The following GPR183 variants were observed in gnomAD, a reference collection of about 807,000 sequenced individuals.
GPR183 encodes G protein-coupled receptor 183.
In GPR183, 9 loss-of-function variants were observed where a neutral mutation model predicts 19.7. The observed-to-expected ratio is 0.46, with a 90% confidence interval of 0.28 to 0.80. The LOEUF (loss-of-function observed/expected upper bound fraction) is 0.80, where lower values mean the gene tolerates loss of function less well. Among genes scored for constraint, GPR183 ranks in the 30% least tolerant of loss-of-function variants. The pLI, the probability that GPR183 is intolerant of heterozygous loss-of-function variation, is 0.13. For synonymous variants in GPR183, 160 were observed against 155.1 expected (o/e 1.03, Z -0.24); for missense variants, 368 against 446.7 (o/e 0.82, Z 1.59).
rs376348477 is a variant in GPR183, at chr13:99,295,575, T to C, written c.571A>G (p.Lys191Glu). Reference protein sequence around the residue: ...CMEYPNFEETKSLPWILLGAC... With the variant: ...CMEYPNFEETESLPWILLGAC... Reference sequence around the variant, plus strand: ...CCAAGCAGAATCCAGGGAAGAGATTTAGTTTCTTCAAAGTTTGGATACTCC... The same window carrying C: ...CCAAGCAGAATCCAGGGAAGAGATTCAGTTTCTTCAAAGTTTGGATACTCC... Residue 191 changes from lysine (K) to glutamate (E), a missense_variant, in exon 2 of 2, where the codon AAA (lysine) becomes GAA (glutamate). Coordinates refer to ENST00000376414, the MANE Select transcript of GPR183 (RefSeq NM_004951.5). This position sits in a 1 kb window ranked among gnomAD's most constrained non-coding sequence, Gnocchi z 4.1. The C allele has an allele frequency of 1.4e-5, 23 of 1,614,016 alleles. No individual in the cohort carries two copies. In the African/African-American group the frequency reaches 2.1e-4, roughly 15 times the overall value.
At position 99,295,485 on chromosome 13, in the gene GPR183, A is replaced by G. The variant is rs2044156351; in HGVS notation, c.661T>C (p.Cys221Arg). 1.2e-6 allele frequency: 2 copies of G among 1,613,896 alleles called. No homozygotes were observed. The highest frequency in any genetic ancestry group is 2.2e-5 in the South Asian group (2 of 91,076). Residue 221 changes from cysteine to arginine, a missense_variant, in exon 2 of 2, where the codon TGC becomes CGC. Physicochemically the swap from Cys to Arg is radical, Grantham distance 180. Transcript: ENST00000376414. This position sits in a 1 kb window ranked among gnomAD's most constrained non-coding sequence, Gnocchi z 4.1. Reference protein sequence around the residue: ...IILICYSQICCKLFRTAKQNP... With the variant: ...IILICYSQICRKLFRTAKQNP... Reference sequence around the variant, plus strand: ...TGTTTGGCAGTTCTGAAGAGTTTGCAGCAGATCTGAGAATAGCAGATGAGA... The same window carrying G: ...TGTTTGGCAGTTCTGAAGAGTTTGCGGCAGATCTGAGAATAGCAGATGAGA...
At chr13:99,307,166 A>G (rs972279581) in intron 1 of GPR183, among the ~76,000 whole-genome samples, 174 bp downstream of exon 1, 1 of 152,190 alleles carries the variant, frequency 6.6e-6, no homozygotes, top group African/African-American at 2.4e-5. Flanking sequence ...AACTAACTAG[A>G]CCTACCAGTC....
chr13:99,297,606 T>C (rs2044195788), intron 1 of GPR183, among the ~76,000 whole-genome samples: 1 of 152,010 alleles, frequency 6.6e-6, no homozygotes, highest in Non-Finnish European at 1.5e-5. Context: ...AGGTTAGTCA[T>C]TATAACCTAA....
Position 99,296,965 on chromosome 13 carries a change from G to A in GPR183, c.-18-802C>T, listed in dbSNP as rs147048609. 4.6e-5 allele frequency among the ~76,000 whole-genome samples: 7 copies of A among 152,162 alleles called. No individual in the cohort carries two copies. In the East Asian group the frequency reaches 1.3e-3, roughly 29 times the overall value. On this transcript the variant is annotated intron_variant, in intron 1 of 1. Transcript: ENST00000376414. ...TAGCAAGCATCACACTTTATATTTT[G>A]TTTCTTGCTTTATTCACCAAACATC... is the stretch of plus-strand genomic sequence containing the variant.
chr13:99,305,541 C>T (rs1391539134), intron 1 of GPR183, among the ~76,000 whole-genome samples: 3 of 152,130 alleles, frequency 2.0e-5, no homozygotes, highest in East Asian at 1.9e-4. Flanking sequence ...TAGAATGCTA[C>T]AGAACCAACC....
rs2044351413 is a variant in GPR183 at position 99,307,383 on chromosome 13, G to T, written c.-62C>A. The T allele has an allele frequency of 6.6e-6, 1 of 152,118 alleles. No homozygotes were observed. The highest frequency in any genetic ancestry group is 1.5e-5 in the Non-Finnish European group (1 of 68,022). 9.4% of individuals were successfully genotyped at this position (152,118 alleles called of 1,614,324 possible). Reference sequence around the variant, plus strand: ...GGTCTCTGTGTAGTAGCTGTGAGTAGTTGTCCAAACTGAAGTAAGTTTTAA... The same window carrying T: ...GGTCTCTGTGTAGTAGCTGTGAGTATTTGTCCAAACTGAAGTAAGTTTTAA... On this transcript the variant is annotated 5_prime_UTR_variant, in exon 1 of 2. Transcript: ENST00000376414.
intron 1 of GPR183, among the ~76,000 whole-genome samples, chr13:99,297,081 AT>A (rs1241054560): frequency 6.6e-6 from 1 of 152,184 alleles, no homozygotes; most frequent in Non-Finnish European, 1.5e-5. Context: ...TCAATGCATA[AT>A]TTGCTTAGCT....
Position 99,295,117 on chromosome 13 carries a change from T to G in GPR183, c.1029A>C (p.Ser343=), listed in dbSNP as rs1199400474. The change falls in exon 2 of 2, where the codon TCA becomes TCC. Residue 343 remains serine, a synonymous_variant. Coordinates refer to ENST00000376414, the MANE Select transcript of GPR183 (RefSeq NM_004951.5). This position sits in a 1 kb window ranked among gnomAD's most constrained non-coding sequence, Gnocchi z 4.1. ...TCATCTGCGTTTCTGTCATTTCACG[T>G]GAATTTTCTTCAGGGGCTGACTTCA... is the stretch of plus-strand genomic sequence containing the variant. ...SAVKSAPEEN[S]REMTETQMMI... is the part of the protein sequence containing the mutation. 6.2e-7 allele frequency: 1 copy of G among 1,614,114 alleles called. No individual in the cohort carries two copies. The highest frequency in any genetic ancestry group is 8.5e-7 in the Non-Finnish European group (1 of 1,179,982).
At chr13:99,303,132 GA>G (rs1357808285) in intron 1 of GPR183, among the ~76,000 whole-genome samples, 1 of 152,172 alleles carries the variant, frequency 6.6e-6, no homozygotes, top group Non-Finnish European at 1.5e-5. Flanking sequence ...TCCTGGGTCA[GA>G]CCAGCTCCCA....
In GPR183 at chr13:99,295,174, T is replaced by G; in HGVS notation, c.972A>C (p.Lys324Asn). 5.0e-6 allele frequency: 8 copies of G among 1,614,136 alleles called. No individual in the cohort carries two copies. The highest frequency in any genetic ancestry group is 6.8e-6 in the Non-Finnish European group (8 of 1,180,012). ...GYKRKVMRMLKRQVSVSISSA... is the reference protein window; with the variant it reads ...GYKRKVMRMLNRQVSVSISSA... ...TAGAAATCGATACACTGACTTGCCG[T>G]TTCAGCATCCTCATAACCTTTCTCT... The change falls in exon 2 of 2, where the codon AAA becomes AAC. Residue 324 changes from lysine to asparagine, a missense_variant. By Grantham distance (94) the Lys-to-Asn change is moderately conservative. Coordinates refer to ENST00000376414, the MANE Select transcript of GPR183 (RefSeq NM_004951.5). This position sits in a 1 kb window ranked among gnomAD's most constrained non-coding sequence, Gnocchi z 4.1.
At chr13:99,306,662 C>A (rs1413525079) in intron 1 of GPR183, among the ~76,000 whole-genome samples, 1 of 152,156 alleles carries the variant, frequency 6.6e-6, no homozygotes, top group Non-Finnish European at 1.5e-5. Context: ...GCATAGAATT[C>A]ATTGTGATTT....
In GPR183 at chr13:99,294,810, A is replaced by G. The variant is rs887675512; in HGVS notation, c.*250T>C. ...ACTTTTTACATTGGGAGTTATTAAG[A>G]GCGCCTCCTTTTGGTGTATTCGTTT... On this transcript the variant is annotated 3_prime_UTR_variant, in exon 2 of 2. Coordinates refer to ENST00000376414, the MANE Select transcript of GPR183 (RefSeq NM_004951.5). The G allele has an allele frequency of 3.0e-6, 1 of 331,622 alleles. No homozygotes were observed. Among genetic ancestry groups the G allele is most frequent in the Admixed American group, 4.4e-5 (1 of 22,496 alleles). 20.5% of individuals were successfully genotyped at this position (331,622 alleles called of 1,614,324 possible). A position where few individuals can be genotyped will look rare whatever the true frequency, so the allele number is the denominator to read the frequency against.
intron 1 of GPR183, among the ~76,000 whole-genome samples, chr13:99,297,392 A>G (rs55907415): frequency 0.092 from 14,005 of 152,186 alleles, 709 homozygotes; most frequent in East Asian, 0.12. Flanking sequence ...TTAAAGAACT[A>G]TACAGTATTT....
chr13:99,295,290 A>T lies in GPR183; in HGVS notation c.856T>A (p.Phe286Ile), dbSNP rs150670001. The T allele has an allele frequency of 3.8e-5, 61 of 1,614,070 alleles. No individual in the cohort carries two copies. The highest frequency in any genetic ancestry group is 5.0e-5 in the Non-Finnish European group (59 of 1,180,028). Residue 286 changes from phenylalanine to isoleucine, a missense_variant, in exon 2 of 2, where the codon TTC becomes ATC. By Grantham distance (21) the Phe-to-Ile change is conservative (BLOSUM62 0). Coordinates refer to ENST00000376414, the MANE Select transcript of GPR183 (RefSeq NM_004951.5). The surrounding 1 kb of genome is among the most constrained non-coding windows in gnomAD (Gnocchi z 4.1). ...NFLECSQRHSFQISLHFTVCL... is the reference protein window; with the variant it reads ...NFLECSQRHSIQISLHFTVCL... ...ACTGTAAAGTGCAGAGAAATCTGGA[A>T]CGAATGTCTTTGGCTACATTCCAGG...
rs115754415 is a variant in GPR183, at chr13:99,302,525, G to A, written c.-19+4815C>T. ...AAGTATTTGTCAATTATTTGAAAACGCCTTCTTGTTCAAACAGGGGCATCT... is the reference window on the plus strand; with the variant it reads ...AAGTATTTGTCAATTATTTGAAAACACCTTCTTGTTCAAACAGGGGCATCT... On this transcript the variant is annotated intron_variant, in intron 1 of 1. Coordinates refer to ENST00000376414, the MANE Select transcript of GPR183 (RefSeq NM_004951.5). Among the ~76,000 whole-genome samples the A allele has an allele frequency of 4.5e-3, 683 of 152,274 alleles. 5 individuals are homozygous for A. The highest frequency in any genetic ancestry group is 0.015 in the African/African-American group (625 of 41,542).
Position 99,296,177 on chromosome 13 carries a change from A to G in GPR183, c.-18-14T>C. The G allele has an allele frequency of 1.3e-6, 2 of 1,533,432 alleles. No individual in the cohort carries two copies. The highest frequency in any genetic ancestry group is 8.8e-7 in the Non-Finnish European group (1 of 1,142,598). 95.0% of individuals were successfully genotyped at this position (1,533,432 alleles called of 1,614,324 possible). A position where few individuals can be genotyped will look rare whatever the true frequency, so the allele number is the denominator to read the frequency against. On this transcript the variant is annotated splice_polypyrimidine_tract_variant and intron_variant, in intron 1 of 1. Coordinates refer to ENST00000376414, the MANE Select transcript of GPR183 (RefSeq NM_004951.5). ...TGGTCCAGGTGTCTAGAAAAAAACC[A>G]AGAAGGATCATATAAGTAAAAGCAT... is the stretch of plus-strand genomic sequence containing the variant.
At position 99,295,246 on chromosome 13, in the gene GPR183, A is replaced by G. The variant is rs1459733963; in HGVS notation, c.900T>C (p.Asn300=). The G allele has an allele frequency of 3.1e-6, 5 of 1,614,032 alleles. No individual in the cohort carries two copies. The highest frequency in any genetic ancestry group is 2.2e-5 in the East Asian group (1 of 44,882). ...LHFTVCLMNF[N]CCMDPFIYFF... ...AGTAGATAAAAGGGTCCATGCAGCA[A>G]TTGAAGTTCATCAGGCATACTGTAA... is the stretch of plus-strand genomic sequence containing the variant. The change falls in exon 2 of 2, where the codon AAT becomes AAC. Residue 300 remains asparagine (N), a synonymous_variant. Coordinates refer to ENST00000376414, the MANE Select transcript of GPR183 (RefSeq NM_004951.5). This position sits in a 1 kb window ranked among gnomAD's most constrained non-coding sequence, Gnocchi z 4.1.
Position 99,295,936 on chromosome 13 carries a change from T to A in GPR183, c.210A>T (p.Ser70=). Reference sequence around the variant, plus strand: ...GTATATCAGAAATCACCAAATTTGTTGAATAGAGGGTGGTAGAGTTGATTT... The same window carrying A: ...GTATATCAGAAATCACCAAATTTGTAGAATAGAGGGTGGTAGAGTTGATTT... The part of the protein sequence containing the change: ...RKKINSTTLY[S]TNLVISDILF... Residue 70 remains serine, a synonymous_variant, in exon 2 of 2, where the codon TCA becomes TCT. Coordinates refer to ENST00000376414, the MANE Select transcript of GPR183 (RefSeq NM_004951.5). This position sits in a 1 kb window ranked among gnomAD's most constrained non-coding sequence, Gnocchi z 4.1. 6.2e-7 allele frequency: 1 copy of A among 1,614,002 alleles called. No individual in the cohort carries two copies. The highest frequency in any genetic ancestry group is 8.5e-7 in the Non-Finnish European group (1 of 1,179,946).
intron 1 of GPR183, 43 bp from the exon 2 acceptor site, chr13:99,296,206 T>C (rs767666705): frequency 1.3e-4 from 195 of 1,471,886 alleles, no homozygotes; most frequent in Non-Finnish European, 1.7e-4. Flanking sequence ...AAAGCATATG[T>C]ATTCAGTTTG....
Sources: gnomAD v4.1 joint callset for allele counts (sites outside exome capture counted in the v4.1 genomes callset) on GRCh38, gnomAD v4.1.1 for gene constraint, Gnocchi (gnomAD v3.1) non-coding constraint, MANE v1.5 for transcripts, NCBI Gene and HGNC (gene_info 2026-07-23, HGNC 2026-07-21) for gene names.